RNF212: variants seen among roughly 807,000 people sequenced by gnomAD.
RNF212 encodes the protein probable E3 SUMO-protein ligase RNF212.
RNF212 carries 33 observed loss-of-function variants against 34.7 expected under a neutral mutation model. That is an observed-to-expected ratio of 0.95 (90% confidence interval 0.72 to 1.27). RNF212 has a LOEUF of 1.27. RNF212 is among the 50% of genes most tolerant of loss of function. RNF212 has a pLI of 0.00. For missense variants in RNF212, 377 were observed against 362.2 expected, an observed-to-expected ratio of 1.04 and a Z score of -0.33; for synonymous variants, 140 against 136.1, an observed-to-expected ratio of 1.03 and a Z score of -0.20.
chr4:1,093,562 G>A, intron 3 of RNF212: 2 of 795,758 alleles, frequency 2.5e-6, no homozygotes, highest in Non-Finnish European at 3.5e-6. Flanking sequence ...CATGCCGGAA[G>A]CCTGAGAGGC....
intron 3 of RNF212, among the ~76,000 whole-genome samples, chr4:1,061,365 G>C (rs1177959056): frequency 1.3e-5 from 2 of 152,212 alleles, no homozygotes; most frequent in African/African-American, 4.8e-5. Context: ...GCAGGACCTG[G>C]AGAGGCCCAC....
intron 3 of RNF212, among the ~76,000 whole-genome samples, chr4:1,091,254 T>C (rs1438642296): frequency 6.6e-6 from 1 of 152,208 alleles, no homozygotes; most frequent in Admixed American, 6.5e-5. Flanking sequence ...GGCAGAGGCC[T>C]GGTGGGCCTG....
chr4:1,088,946 T>C (rs550849812), intron 4 of RNF212, among the ~76,000 whole-genome samples: 135 of 152,342 alleles, frequency 8.9e-4, no homozygotes, highest in Non-Finnish European at 4.7e-4. Flanking sequence ...TGCCTGGATG[T>C]CCAGGCAGAA....
chr4:1,101,108 A>G lies in RNF212; in HGVS notation c.172-4269T>C, dbSNP rs1723911086. 3.1e-5 allele frequency: 5 copies of G among 162,304 alleles called. No individual in the cohort carries two copies. The Admixed American group carries it at 3.2e-4, about 10-fold the overall frequency. 10.1% of individuals were successfully genotyped at this position (162,304 alleles called of 1,614,324 possible). On this transcript the variant is annotated intron_variant, in intron 2 of 9. Coordinates refer to ENST00000433731, the MANE Select transcript of RNF212 (RefSeq NM_001131034.4). The stretch of plus-strand genomic sequence containing the variant: ...TGTTTCAAAATCTCTATTAACAGGA[A>G]TTGAGTTGGTGTGACCAGTATGAGC...
At chr4:1,093,167 G>C (rs1392677067) in intron 3 of RNF212, 1 of 223,628 alleles carries the variant, frequency 4.5e-6, no homozygotes, top group Non-Finnish European at 8.7e-6. Context: ...CCCAGGGCAG[G>C]TCCTGAGGCC....
chr4:1,094,232 C>A (rs112116120), intron 3 of RNF212, among the ~76,000 whole-genome samples: 15 of 152,088 alleles, frequency 9.9e-5, no homozygotes, highest in African/African-American at 2.9e-4. Context: ...GCACTCTTCA[C>A]GGAAGAGGGA....
At chr4:1,101,250 GT>G in intron 2 of RNF212, 1 of 332,380 alleles carries the variant, frequency 3.0e-6, no homozygotes, top group South Asian at 3.2e-5. Flanking sequence ...TCCTCTTCAA[GT>G]TATATCCTTC....
At chr4:1,057,971 G>C (rs1412128581) in intron 4 of RNF212, among the ~76,000 whole-genome samples, 3 of 151,944 alleles carry the variant, frequency 2.0e-5, no homozygotes, top group African/African-American at 4.8e-5. Context: ...TGAGGCAGGA[G>C]AATCACTTGA....
downstream of RNF212, among the ~76,000 whole-genome samples, chr4:1,066,593 A>T (rs2153033913): frequency 6.6e-6 from 1 of 152,312 alleles, no homozygotes; most frequent in Non-Finnish European, 1.5e-5. Context: ...GGTCTCCCAA[A>T]GTGATGGGAT....
chr4:1,085,842 G>C, intron 5 of RNF212, 54 bp downstream of exon 5: 1 of 1,186,680 alleles, frequency 8.4e-7, no homozygotes, highest in Non-Finnish European at 1.3e-6. Flanking sequence ...GACGACCAAT[G>C]CACATGGCAG....
At chr4:1,108,011 T>G (rs1213614927) in intron 2 of RNF212, among the ~76,000 whole-genome samples, 8 of 152,228 alleles carry the variant, frequency 5.3e-5, no homozygotes. Context: ...AACAACACTC[T>G]TAATTATATA....
intron 7 of RNF212, among the ~76,000 whole-genome samples, chr4:1,080,119 G>A (rs564338053): frequency 2.6e-5 from 4 of 152,326 alleles, no homozygotes; most frequent in African/African-American, 7.2e-5. Flanking sequence ...CACCGTGCAC[G>A]CTCGGTACGC....
chr4:1,092,528 T>C (rs1050915033), intron 3 of RNF212, among the ~76,000 whole-genome samples: 1 of 152,130 alleles, frequency 6.6e-6, no homozygotes, highest in African/African-American at 2.4e-5. Flanking sequence ...CTCTGACCAA[T>C]GTTGGGGCCC....
At chr4:1,096,975 G>A (rs1389910360) in intron 2 of RNF212, 136 bp from the exon 3 acceptor site, 1 of 707,396 alleles carries the variant, frequency 1.4e-6, no homozygotes, top group Non-Finnish European at 2.5e-6. Context: ...TGGCCTCTCA[G>A]GGGCCCTGCC....
chr4:1,109,643 T>C (rs970880687), intron 1 of RNF212, among the ~76,000 whole-genome samples: 2 of 152,176 alleles, frequency 1.3e-5, no homozygotes, highest in Non-Finnish European at 2.9e-5. Context: ...CCATTCCCCA[T>C]GGGGCTGCTC....
intron 9 of RNF212, 113 bp from the exon 10 acceptor site, chr4:1,073,306 G>C: frequency 7.1e-7 from 1 of 1,409,398 alleles, no homozygotes; most frequent in Non-Finnish European, 9.5e-7. Flanking sequence ...GCAATTCAAA[G>C]CCAATTACCA....
At chr4:1,077,901 C>T (rs546790444) in intron 8 of RNF212, among the ~76,000 whole-genome samples, 8 of 152,262 alleles carry the variant, frequency 5.3e-5, no homozygotes, top group East Asian at 3.9e-4. Context: ...TGGGTGTGGG[C>T]GTGGCCATGA....
chr4:1,082,287 T>C (rs796809058), intron 5 of RNF212, among the ~76,000 whole-genome samples: 1 of 152,220 alleles, frequency 6.6e-6, no homozygotes, highest in Non-Finnish European at 1.5e-5. Context: ...TGCTGTGCCC[T>C]GTGACTCCCG....
intron 8 of RNF212, chr4:1,073,903 G>A (rs1718845724): frequency 1.9e-6 from 1 of 523,666 alleles, no homozygotes; most frequent in African/African-American, 1.9e-5. Context: ...GTTCCACCAG[G>A]GCCTAAAACA....
Sources: allele counts gnomAD v4.1 joint callset (sites outside exome capture counted in the v4.1 genomes callset), GRCh38; gene constraint gnomAD v4.1.1; transcripts MANE v1.5; gene names NCBI Gene and HGNC (gene_info 2026-07-23, HGNC 2026-07-21).